Variants in ZBTB7C observed in about 807,000 individuals in gnomAD.
ZBTB7C encodes the protein zinc finger and BTB domain-containing protein 7C.
Under a neutral mutation model 25.7 loss-of-function variants are expected in ZBTB7C, and 8 were observed. The observed-to-expected ratio is 0.31, with a 90% CI of 0.18 to 0.56. The LOEUF (loss-of-function observed/expected upper bound fraction) is 0.56, where lower values mean the gene tolerates loss of function less well. ZBTB7C is among the 20% of genes least tolerant of loss of function. ZBTB7C has a pLI of 0.91. For missense variants in ZBTB7C, 824 were observed against 855.2 expected (o/e 0.96, Z 0.46); for synonymous variants, 394 against 369.0 (o/e 1.07, Z -0.78).
chr18:48,371,600 C>A (rs2047389805), intron 1 of ZBTB7C, among the ~76,000 whole-genome samples: 1 of 152,198 alleles, frequency 6.6e-6, no homozygotes, highest in African/African-American at 2.4e-5. Flanking sequence ...GGGAGCTGGG[C>A]AGGAGGACTT....
At position 48,175,949 on chromosome 18, in the gene ZBTB7C, A is replaced by G. The variant is rs1378241755; in HGVS notation, c.-17+9985T>C. On this transcript the variant is annotated intron_variant, in intron 3 of 4. Coordinates refer to ENST00000590800, the MANE Select transcript of ZBTB7C (RefSeq NM_001318841.2). ...TGGAAATGCATCATTGTGCAACCTC[A>G]TGTTAATGACTGGATGGGCCAAAAG... is the stretch of plus-strand genomic sequence containing the variant. Among the ~76,000 whole-genome samples, 3 of 152,234 alleles carry G rather than the reference A, an allele frequency of 2.0e-5. 1 individual carries two copies. In the South Asian group the frequency reaches 6.2e-4, roughly 31 times the overall value.
chr18:48,049,048 T>C (rs937351630), intron 3 of ZBTB7C, among the ~76,000 whole-genome samples: 9 of 152,184 alleles, frequency 5.9e-5, no homozygotes, highest in Non-Finnish European at 1.2e-4. Context: ...AACACTAAGC[T>C]TGTGGGAGTT....
At chr18:48,299,876 C>T (rs969083294) in intron 2 of ZBTB7C, among the ~76,000 whole-genome samples, 1 of 152,130 alleles carries the variant, frequency 6.6e-6, no homozygotes. Flanking sequence ...CACATTTATC[C>T]CCAAAATGGA....
At chr18:48,318,663 T>C (rs900977175) in intron 2 of ZBTB7C, among the ~76,000 whole-genome samples, 3 of 152,182 alleles carry the variant, frequency 2.0e-5, no homozygotes, top group Non-Finnish European at 4.4e-5. Context: ...ATACACCCCC[T>C]GGGGCAGGGG....
At chr18:48,189,747 C>G (rs2145150776) in intron 2 of ZBTB7C, among the ~76,000 whole-genome samples, 1 of 152,258 alleles carries the variant, frequency 6.6e-6, no homozygotes, top group South Asian at 2.1e-4. Flanking sequence ...GCTCTCAATC[C>G]CAACGACCTG....
intron 1 of ZBTB7C, among the ~76,000 whole-genome samples, chr18:48,387,622 T>G (rs1599016401): frequency 6.6e-6 from 1 of 152,190 alleles, no homozygotes; most frequent in East Asian, 1.9e-4. Context: ...GAAACTAACA[T>G]GAAGATGGGC....
intron 3 of ZBTB7C, among the ~76,000 whole-genome samples, chr18:48,042,577 A>G (rs2036296873): frequency 1.3e-5 from 2 of 152,160 alleles, no homozygotes; most frequent in African/African-American, 4.8e-5. Context: ...ATACGCTCAT[A>G]AAGTGTGAGT....
At chr18:48,388,995 T>G (rs2047815441) in intron 1 of ZBTB7C, among the ~76,000 whole-genome samples, 1 of 152,098 alleles carries the variant, frequency 6.6e-6, no homozygotes, top group Non-Finnish European at 1.5e-5. Context: ...TAAGTTGACC[T>G]CTCCTCTGCC....
At chr18:48,361,560 C>T (rs1251618645) in intron 1 of ZBTB7C, among the ~76,000 whole-genome samples, 1 of 152,226 alleles carries the variant, frequency 6.6e-6, no homozygotes, top group African/African-American at 2.4e-5. Flanking sequence ...TAAATGTCCT[C>T]CTAGGTACAT....
At chr18:48,272,095 A>G (rs1304038753) in intron 2 of ZBTB7C, among the ~76,000 whole-genome samples, 1 of 152,184 alleles carries the variant, frequency 6.6e-6, no homozygotes, top group Non-Finnish European at 1.5e-5. Context: ...GACTGGACTG[A>G]GTGATGCCCA....
At chr18:48,089,193 G>A (rs986100179) in intron 3 of ZBTB7C, among the ~76,000 whole-genome samples, 1 of 152,136 alleles carries the variant, frequency 6.6e-6, no homozygotes, top group Non-Finnish European at 1.5e-5. Flanking sequence ...TTTAGGCCGG[G>A]TGCAGTGGCT....
rs1356869651 is a variant in ZBTB7C at position 48,409,351 on chromosome 18, A to G, written c.-429T>C. 2.7e-5 allele frequency: 4 copies of G among 147,562 alleles called. No individual in the cohort carries two copies. Among genetic ancestry groups the G allele is most frequent in the African/African-American group, 9.8e-5 (4 of 40,670 alleles). 9.1% of individuals were successfully genotyped at this position (147,562 alleles called of 1,614,324 possible). ...GAGCCTCGCCGGCCGCGCCGCTGTC[A>G]GAGTCTCGTGGCGGGGCTGCGCCGG... On this transcript the variant is annotated 5_prime_UTR_variant, in exon 1 of 5. Transcript: ENST00000590800.
At chr18:48,257,030 A>C (rs1356303860) in intron 2 of ZBTB7C, among the ~76,000 whole-genome samples, 1 of 152,064 alleles carries the variant, frequency 6.6e-6, no homozygotes, top group African/African-American at 2.4e-5. Flanking sequence ...CATTAAACAT[A>C]AGTGATCTAA....
intron 3 of ZBTB7C, among the ~76,000 whole-genome samples, chr18:48,087,347 A>G (rs1329815826): frequency 1.3e-5 from 2 of 152,256 alleles, no homozygotes; most frequent in Non-Finnish European, 2.9e-5. Flanking sequence ...CTTAAAACAC[A>G]ATTCCTGCTG....
intron 3 of ZBTB7C, among the ~76,000 whole-genome samples, chr18:48,110,805 G>A (rs2039211252): frequency 6.6e-6 from 1 of 152,150 alleles, no homozygotes; most frequent in African/African-American, 2.4e-5. Flanking sequence ...GAAAAGAAGG[G>A]CCCCAGGAGG....
chr18:48,100,233 G>A (rs1414517388), intron 3 of ZBTB7C, among the ~76,000 whole-genome samples: 4 of 152,198 alleles, frequency 2.6e-5, no homozygotes, highest in African/African-American at 4.8e-5. Flanking sequence ...AGTTCAGCCC[G>A]CGTGCTTGAC....
intron 1 of ZBTB7C, among the ~76,000 whole-genome samples, chr18:48,358,418 A>G (rs2047027536): frequency 6.6e-6 from 1 of 152,162 alleles, no homozygotes; most frequent in Non-Finnish European, 1.5e-5. Context: ...TCACCCTGTG[A>G]CACTGCCTGC....
At chr18:48,144,971 T>A (rs755680075) in intron 3 of ZBTB7C, among the ~76,000 whole-genome samples, 3 of 152,160 alleles carry the variant, frequency 2.0e-5, no homozygotes, top group Non-Finnish European at 4.4e-5. Context: ...TCTTTTTCAG[T>A]AGAGATTCAT....
At chr18:48,352,779 G>A (rs889556345) in intron 1 of ZBTB7C, among the ~76,000 whole-genome samples, 29 of 152,134 alleles carry the variant, frequency 1.9e-4, no homozygotes, top group African/African-American at 7.0e-4. Context: ...GTGCAAGCAG[G>A]TGAGCAAATG....
Sources: gnomAD v4.1 joint callset for allele counts (sites outside exome capture counted in the v4.1 genomes callset) on GRCh38, gnomAD v4.1.1 for gene constraint, MANE v1.5 for transcripts, NCBI Gene and HGNC (gene_info 2026-07-23, HGNC 2026-07-21) for gene names.